EXOC6B: variants seen among roughly 807,000 people sequenced by gnomAD.
EXOC6B encodes exocyst complex component 6B.
A neutral mutation model predicts 113.5 loss-of-function variants in EXOC6B; 54 were observed. The ratio of observed to expected loss-of-function variants is 0.48; its 90% CI spans 0.38 to 0.60. EXOC6B has a LOEUF of 0.60. Ranked by LOEUF, EXOC6B falls within the 20% of genes least tolerant of loss-of-function variation. The pLI, the probability that EXOC6B is intolerant of heterozygous loss-of-function variation, is 0.00. For synonymous variants in EXOC6B, 357 were observed against 339.0 expected (o/e 1.05, Z -0.58); for missense variants, 797 against 977.5 (o/e 0.82, Z 2.46).
rs1677756256 is a variant in EXOC6B at position 72,176,770 on chromosome 2, G to A, written c.*2565C>T. The A allele has an allele frequency of 6.6e-6, 1 of 152,182 alleles. No homozygotes were observed. The highest frequency in any genetic ancestry group is 1.5e-5 in the Non-Finnish European group (1 of 68,044). 9.4% of individuals were successfully genotyped at this position (152,182 alleles called of 1,614,324 possible). ...CTGGTTTCCTCAAGAACTTGGCCAAGGGTTCATCCTGACCAGAAGCCATAC... is the reference window on the plus strand; with the variant it reads ...CTGGTTTCCTCAAGAACTTGGCCAAAGGTTCATCCTGACCAGAAGCCATAC... On this transcript the variant is annotated 3_prime_UTR_variant, in exon 22 of 22. Transcript: ENST00000272427.
intron 20 of EXOC6B, among the ~76,000 whole-genome samples, chr2:72,245,558 T>C (rs893865992): frequency 1.3e-5 from 2 of 152,138 alleles, no homozygotes; most frequent in African/African-American, 4.8e-5. Flanking sequence ...AAAATGCCAA[T>C]CTGAAAAGGC....
At chr2:72,531,097 G>GT (rs202030138) in intron 8 of EXOC6B, among the ~76,000 whole-genome samples, 2,748 of 152,006 alleles carry the variant, frequency 0.018, 37 homozygotes, top group Non-Finnish European at 0.029. Context: ...CATCTGTCAG[G>GT]TTTTTTTGTG....
intron 20 of EXOC6B, among the ~76,000 whole-genome samples, chr2:72,250,655 T>C (rs984684527): frequency 6.6e-6 from 1 of 152,090 alleles, no homozygotes; most frequent in Non-Finnish European, 1.5e-5. Context: ...GATATGAGCA[T>C]ATTTGGCAAG....
chr2:72,533,669 T>A (rs1702134935), intron 8 of EXOC6B, among the ~76,000 whole-genome samples: 1 of 152,230 alleles, frequency 6.6e-6, no homozygotes, highest in South Asian at 2.1e-4. Context: ...GGCATGACTA[T>A]AATTTTTAGT....
intron 18 of EXOC6B, among the ~76,000 whole-genome samples, chr2:72,380,368 G>A (rs775623435): frequency 1.1e-4 from 16 of 152,134 alleles, no homozygotes; most frequent in South Asian, 2.1e-4. Flanking sequence ...GGCCAGGAGC[G>A]GTGGCTCACG....
chr2:72,538,916 T>G (rs1489145471), intron 8 of EXOC6B, among the ~76,000 whole-genome samples: 1 of 152,184 alleles, frequency 6.6e-6, no homozygotes, highest in Non-Finnish European at 1.5e-5. Context: ...AGGACAGAAC[T>G]CTATGGATGA....
intron 6 of EXOC6B, among the ~76,000 whole-genome samples, chr2:72,707,013 T>C (rs1678927137): frequency 6.6e-6 from 1 of 151,924 alleles, no homozygotes; most frequent in Admixed American, 6.6e-5. Context: ...GGTGCCAGAG[T>C]TGTGAATGAA....
At chr2:72,183,753 A>G (rs569939137) in intron 21 of EXOC6B, among the ~76,000 whole-genome samples, 1 of 150,956 alleles carries the variant, frequency 6.6e-6, no homozygotes, top group African/African-American at 2.5e-5. Flanking sequence ...CTGAGCCCCA[A>G]ACCGAGCCAT....
chr2:72,570,924 T>G (rs375379919), intron 7 of EXOC6B, among the ~76,000 whole-genome samples: 1 of 152,230 alleles, frequency 6.6e-6, no homozygotes, highest in Non-Finnish European at 1.5e-5. Context: ...TATTATATAC[T>G]GATAGTCCTG....
intron 18 of EXOC6B, among the ~76,000 whole-genome samples, chr2:72,401,075 G>GTT (rs544062209): frequency 6.6e-6 from 1 of 151,568 alleles, no homozygotes; most frequent in East Asian, 1.9e-4. Flanking sequence ...ACAAAGAAAT[G>GTT]TTATATATAT....
intron 20 of EXOC6B, among the ~76,000 whole-genome samples, chr2:72,243,489 A>G (rs753847189): frequency 5.3e-5 from 8 of 152,136 alleles, no homozygotes; most frequent in Non-Finnish European, 1.0e-4. Context: ...AAACTATCGC[A>G]AGGACAGAAA....
chr2:72,779,059 T>G (rs192856020), intron 1 of EXOC6B, among the ~76,000 whole-genome samples: 22 of 152,194 alleles, frequency 1.4e-4, no homozygotes, highest in African/African-American at 4.6e-4. Context: ...CCATGTTTAC[T>G]TCTTATAAAG....
chr2:72,373,573 A>G (rs1691171000), intron 19 of EXOC6B, among the ~76,000 whole-genome samples: 1 of 152,222 alleles, frequency 6.6e-6, no homozygotes, highest in African/African-American at 2.4e-5. Context: ...ATAGGAAAAA[A>G]CTAATAATCC....
intron 20 of EXOC6B, among the ~76,000 whole-genome samples, chr2:72,282,950 T>C (rs567998399): frequency 7.9e-5 from 12 of 152,176 alleles, no homozygotes; most frequent in African/African-American, 2.6e-4. Context: ...AAATCCATAA[T>C]CATAATTTGA....
At chr2:72,795,994 G>A (rs1220092390) in intron 1 of EXOC6B, among the ~76,000 whole-genome samples, 2 of 151,766 alleles carry the variant, frequency 1.3e-5, no homozygotes, top group African/African-American at 4.8e-5. Context: ...CCTAATTTTT[G>A]TATTTTTAGT....
intron 1 of EXOC6B, among the ~76,000 whole-genome samples, chr2:72,750,363 A>G (rs370569836): frequency 9.9e-5 from 15 of 152,070 alleles, no homozygotes; most frequent in African/African-American, 3.6e-4. Context: ...TGTGAAAAAC[A>G]TTTCTACTAT....
chr2:72,817,713 CTGAT>C (rs1243891913), intron 1 of EXOC6B, among the ~76,000 whole-genome samples: 6 of 152,338 alleles, frequency 3.9e-5, no homozygotes, highest in African/African-American at 7.2e-5. Flanking sequence ...TCACCATCAT[CTGAT>C]TGCTTAGGCC....
Position 72,465,579 on chromosome 2 carries a change from A to G in EXOC6B, c.1801-240T>C, listed in dbSNP as rs375707520. 7.2e-5 allele frequency among the ~76,000 whole-genome samples: 11 copies of G among 152,348 alleles called. No homozygotes were observed. In the East Asian group the frequency reaches 1.3e-3, roughly 19 times the overall value. Reference sequence around the variant, plus strand: ...AATGAAAGCAGAATGCCCAGATCATATAAGTTTGACATACCTATATAAAAG... The same window carrying G: ...AATGAAAGCAGAATGCCCAGATCATGTAAGTTTGACATACCTATATAAAAG... On this transcript the variant is annotated intron_variant, in intron 17 of 21. Coordinates refer to ENST00000272427, the MANE Select transcript of EXOC6B (RefSeq NM_015189.3).
intron 6 of EXOC6B, 88 bp from the exon 7 acceptor site, chr2:72,575,756 TA>T: frequency 1.6e-6 from 2 of 1,239,422 alleles, no homozygotes; most frequent in South Asian, 1.9e-5. Context: ...AAACAAAACT[TA>T]ATTAAGCTTT....
Sources: gnomAD v4.1 joint callset for allele counts (sites outside exome capture counted in the v4.1 genomes callset) on GRCh38, gnomAD v4.1.1 for gene constraint, MANE v1.5 for transcripts, NCBI Gene and HGNC (gene_info 2026-07-23, HGNC 2026-07-21) for gene names.